SUPT3H: variants seen among roughly 807,000 people sequenced by gnomAD.
SUPT3H encodes SPT3 homolog, SAGA and STAGA complex component.
SUPT3H carries 44 observed loss-of-function variants against 44.3 expected under a neutral mutation model. The ratio of observed to expected loss-of-function variants is 0.99; its 90% CI spans 0.78 to 1.28. SUPT3H has a LOEUF of 1.28. Among genes scored for constraint, SUPT3H ranks in the 50% most tolerant of loss-of-function variants. SUPT3H has a pLI of 0.00. For synonymous variants in SUPT3H, 124 were observed against 125.6 expected (o/e 0.99, Z 0.09); for missense variants, 380 against 387.1 (o/e 0.98, Z 0.15).
At chr6:44,839,013 T>G (rs1156840419) in intron 10 of SUPT3H, among the ~76,000 whole-genome samples, 1 of 152,172 alleles carries the variant, frequency 6.6e-6, no homozygotes. Flanking sequence ...AACAAAAGTG[T>G]CTCCTCTGAT....
chr6:44,925,035 G>T (rs969897640), intron 10 of SUPT3H, among the ~76,000 whole-genome samples: 1 of 152,014 alleles, frequency 6.6e-6, no homozygotes, highest in Non-Finnish European at 1.5e-5. Flanking sequence ...AAAACAATCT[G>T]CCATGCCACT....
rs1767814718 is a variant in SUPT3H, at chr6:45,230,662, CTAT to C, written c.102-124659_102-124657del. On this transcript the variant is annotated intron_variant, in intron 2 of 10. Coordinates refer to ENST00000371459, the MANE Select transcript of SUPT3H (RefSeq NM_003599.4). ...AAATCATGTTTTAAATTCATTCAGT[CTAT>C]ATATATATATATATATATATATTTT... Among the ~76,000 whole-genome samples, 8 of 68,738 alleles carry C rather than the reference CTAT, an allele frequency of 1.2e-4. 1 individual carries two copies. The highest frequency in any genetic ancestry group is 1.8e-4 in the Non-Finnish European group (6 of 32,634). 45.1% of individuals were successfully genotyped at this position (68,738 alleles called of 152,430 possible).
intron 10 of SUPT3H, among the ~76,000 whole-genome samples, chr6:44,844,763 A>C (rs1055141718): frequency 2.0e-5 from 3 of 152,174 alleles, no homozygotes; most frequent in Non-Finnish European, 4.4e-5. Flanking sequence ...GACTATAATG[A>C]GATGTCAGGA....
At chr6:44,908,491 C>G (rs1051947659) in intron 10 of SUPT3H, among the ~76,000 whole-genome samples, 2 of 152,066 alleles carry the variant, frequency 1.3e-5, no homozygotes, top group African/African-American at 2.4e-5. Context: ...GGCACTGAAT[C>G]TCAATTCTAA....
rs557019006 is a variant in SUPT3H at position 45,354,932 on chromosome 6, A to G, written c.101+10269T>C. On this transcript the variant is annotated intron_variant, in intron 2 of 10. Coordinates refer to ENST00000371459, the MANE Select transcript of SUPT3H (RefSeq NM_003599.4). ...TGGTATTTTTTAATTTTTTGTATGC[A>G]TTGGAAAGAAACTGGAAAGATAAAT... Among the ~76,000 whole-genome samples the G allele has an allele frequency of 3.3e-5, 5 of 152,258 alleles. No individual in the cohort carries two copies. In the East Asian group the frequency reaches 9.6e-4, roughly 29 times the overall value.
chr6:45,187,210 C>T (rs536929023), intron 2 of SUPT3H, among the ~76,000 whole-genome samples: 63 of 150,964 alleles, frequency 4.2e-4, no homozygotes, highest in Non-Finnish European at 8.6e-4. Flanking sequence ...AGGTCAGGAG[C>T]TCGGGACCAG....
intron 2 of SUPT3H, among the ~76,000 whole-genome samples, chr6:45,236,565 G>C (rs1403473030): frequency 6.6e-6 from 1 of 151,978 alleles, no homozygotes; most frequent in Non-Finnish European, 1.5e-5. Flanking sequence ...TGAAGAAAAA[G>C]AGTGGCCTAA....
intron 6 of SUPT3H, among the ~76,000 whole-genome samples, chr6:44,997,690 C>T (rs956120468): frequency 6.6e-6 from 1 of 151,844 alleles, no homozygotes; most frequent in African/African-American, 2.4e-5. Context: ...TGAACTCTCG[C>T]AAATAAAAGT....
At chr6:45,084,941 C>A (rs1796301179) in intron 3 of SUPT3H, among the ~76,000 whole-genome samples, 1 of 151,916 alleles carries the variant, frequency 6.6e-6, no homozygotes, top group South Asian at 2.1e-4. Flanking sequence ...ATGGGAACAA[C>A]AGACACTGGG....
intron 2 of SUPT3H, among the ~76,000 whole-genome samples, chr6:45,348,044 T>C (rs1439944258): frequency 6.6e-6 from 1 of 152,266 alleles, no homozygotes; most frequent in East Asian, 1.9e-4. Context: ...TGTGGATATG[T>C]GGATATGTGT....
intron 10 of SUPT3H, among the ~76,000 whole-genome samples, chr6:44,920,368 T>TA (rs1491287789): frequency 6.6e-6 from 1 of 151,930 alleles, no homozygotes; most frequent in African/African-American, 2.4e-5. Context: ...GGCCAGGAGT[T>TA]AGAGACCAGT....
At chr6:45,075,154 C>A (rs960954241) in intron 3 of SUPT3H, among the ~76,000 whole-genome samples, 2 of 152,024 alleles carry the variant, frequency 1.3e-5, no homozygotes, top group Admixed American at 1.3e-4. Flanking sequence ...CAGGAATATG[C>A]CACTATTAGC....
rs369481621 is a variant in SUPT3H, at chr6:45,177,544, A to G, written c.102-71538T>C. On this transcript the variant is annotated intron_variant, in intron 2 of 10. Coordinates refer to ENST00000371459, the MANE Select transcript of SUPT3H (RefSeq NM_003599.4). ...CCCCAATCTAGCAAGGCAGGCCAAC[A>G]TTCAGATTCAGGAAATACACAGAAC... 9.0e-3 allele frequency among the ~76,000 whole-genome samples: 1,376 copies of G among 152,190 alleles called. 14 individuals are homozygous for G. Among genetic ancestry groups the G allele is most frequent in the South Asian group, 0.028 (136 of 4,796 alleles).
chr6:45,150,013 A>G (rs1806669808), intron 2 of SUPT3H, among the ~76,000 whole-genome samples: 1 of 151,950 alleles, frequency 6.6e-6, no homozygotes, highest in Non-Finnish European at 1.5e-5. Flanking sequence ...GAATCTGAAT[A>G]TTTGAAATTG....
chr6:44,892,611 G>A (rs1276034104), intron 10 of SUPT3H, among the ~76,000 whole-genome samples: 1 of 152,168 alleles, frequency 6.6e-6, no homozygotes, highest in Non-Finnish European at 1.5e-5. Context: ...AAAAGGATCT[G>A]AAACAGTACA....
At chr6:45,314,943 T>C (rs758594144) in intron 2 of SUPT3H, among the ~76,000 whole-genome samples, 9 of 152,212 alleles carry the variant, frequency 5.9e-5, no homozygotes, top group Non-Finnish European at 1.2e-4. Flanking sequence ...AATAAGCATA[T>C]AGACCAATGG....
chr6:45,257,201 T>C (rs77434670), intron 2 of SUPT3H, among the ~76,000 whole-genome samples: 3,340 of 152,274 alleles, frequency 0.022, 65 homozygotes, highest in Non-Finnish European at 0.032. Context: ...ATAATGGCTT[T>C]TTCCAAACGA....
At chr6:44,843,942 CA>C (rs1771443403) in intron 10 of SUPT3H, among the ~76,000 whole-genome samples, 1 of 145,986 alleles carries the variant, frequency 6.8e-6, no homozygotes, top group Non-Finnish European at 1.6e-5. Flanking sequence ...CACACACACA[CA>C]CACACACACA....
chr6:45,042,533 TATC>T (rs1788701258), intron 3 of SUPT3H, among the ~76,000 whole-genome samples: 1 of 152,226 alleles, frequency 6.6e-6, no homozygotes, highest in Non-Finnish European at 1.5e-5. Flanking sequence ...TCATATTTGG[TATC>T]ATAAGGGAAA....
Sources: gnomAD v4.1 joint callset for allele counts (sites outside exome capture counted in the v4.1 genomes callset) on GRCh38, gnomAD v4.1.1 for gene constraint, MANE v1.5 for transcripts, NCBI Gene and HGNC (gene_info 2026-07-23, HGNC 2026-07-21) for gene names.